Variants in DCAF12 observed in about 807,000 individuals in gnomAD.
DCAF12 encodes DDB1 and CUL4 associated factor 12.
In DCAF12, 28 loss-of-function variants were observed where a neutral mutation model predicts 52.8. The ratio of observed to expected loss-of-function variants is 0.53; its 90% CI spans 0.39 to 0.73. The LOEUF is 0.73. Among genes scored for constraint, DCAF12 ranks in the 30% least tolerant of loss-of-function variants. DCAF12 has a pLI of 0.00. For synonymous variants in DCAF12, 196 were observed against 215.5 expected (o/e 0.91, Z 0.79); for missense variants, 425 against 552.2 (o/e 0.77, Z 2.31).
In DCAF12 at chr9:34,125,243, CT is replaced by C; in HGVS notation, c.112del (p.Arg38AspfsTer5). ...TAAGGATCTCTTCACAGGAGGAAGT[CT>C]TTTCCTTTTGTGAAGCGAGTGATCC... Reference protein sequence around the residue: ...GWDHSLHKRKRLPPVKRSLVY... With the variant: ...GWDHSLHKRKXLPPVKRSLVY... On this transcript the variant is annotated frameshift_variant, in exon 2 of 9. Coordinates refer to ENST00000361264, the MANE Select transcript of DCAF12 (RefSeq NM_015397.4). LOFTEE classifies it high-confidence loss of function. 6.2e-7 allele frequency: 1 copy of C among 1,614,118 alleles called. No individual in the cohort carries two copies. The highest frequency in any genetic ancestry group is 8.5e-7 in the Non-Finnish European group (1 of 1,180,016).
chr9:34,100,251 T>C (rs1246199630), intron 4 of DCAF12, among the ~76,000 whole-genome samples: 1 of 140,396 alleles, frequency 7.1e-6, no homozygotes, highest in Non-Finnish European at 1.5e-5. Flanking sequence ...CAGGCTGGAG[T>C]GCAGTGGTGC....
At position 34,119,346 on chromosome 9, in the gene DCAF12, T is replaced by C. The variant is rs986095980; in HGVS notation, c.333+5677A>G. Among the ~76,000 whole-genome samples, 11 of 152,226 alleles carry C rather than the reference T, an allele frequency of 7.2e-5. 1 individual carries two copies. Among genetic ancestry groups the C allele is most frequent in the African/African-American group, 2.7e-4 (11 of 41,454 alleles). On this transcript the variant is annotated intron_variant, in intron 2 of 8. Coordinates refer to ENST00000361264, the MANE Select transcript of DCAF12 (RefSeq NM_015397.4). Reference sequence around the variant, plus strand: ...GAAAGATCACTCAGAATTTTCTCTCTTTTAAAATCTGTTTTTCATTTGTCA... The same window carrying C: ...GAAAGATCACTCAGAATTTTCTCTCCTTTAAAATCTGTTTTTCATTTGTCA...
At chr9:34,096,875 T>C (rs10971910) in intron 5 of DCAF12, 94 bp from the exon 6 acceptor site, 380,399 of 1,129,470 alleles carry the variant, frequency 0.34, 66,133 homozygotes, top group Admixed American at 0.36. Context: ...GGGTCCTTTA[T>C]TCCTGTCTCG....
intron 3 of DCAF12, 21 bp downstream of exon 3, chr9:34,107,338 A>G: frequency 6.2e-7 from 1 of 1,611,272 alleles, no homozygotes; most frequent in Non-Finnish European, 8.5e-7. Flanking sequence ...CCCTCCAACT[A>G]CAACTACTGG....
chr9:34,093,542 T>C, intron 6 of DCAF12, 94 bp from the exon 7 acceptor site: 1 of 1,359,358 alleles, frequency 7.4e-7, no homozygotes, highest in East Asian at 2.4e-5. Context: ...GCTTCCCTCA[T>C]ATAAAAGCCA....
At chr9:34,111,303 G>C (rs187244035) in intron 2 of DCAF12, among the ~76,000 whole-genome samples, 108 of 152,104 alleles carry the variant, frequency 7.1e-4, no homozygotes, top group Non-Finnish European at 1.4e-3. Flanking sequence ...CTTTTACCTG[G>C]CCAACATGTA....
At chr9:34,124,270 C>T (rs1037061973) in intron 2 of DCAF12, among the ~76,000 whole-genome samples, 4 of 152,166 alleles carry the variant, frequency 2.6e-5, no homozygotes, top group Non-Finnish European at 2.9e-5. Flanking sequence ...AATCATTTCC[C>T]ACCCCTAGGC....
rs1828775896 is a variant in DCAF12 at position 34,098,535 on chromosome 9, C to T, written c.602-18G>A. On this transcript the variant is annotated intron_variant, in intron 4 of 8. Transcript: ENST00000361264. ...ACGTGAGCCTGCAGGGCCAGGAGAACACAGATGTCAGATGTACCCACCCCT... is the reference window on the plus strand; with the variant it reads ...ACGTGAGCCTGCAGGGCCAGGAGAATACAGATGTCAGATGTACCCACCCCT... 3.7e-6 allele frequency: 6 copies of T among 1,606,598 alleles called. No homozygotes were observed. The highest frequency in any genetic ancestry group is 5.1e-6 in the Non-Finnish European group (6 of 1,175,964).
At chr9:34,116,150 G>T (rs1240858383) in intron 2 of DCAF12, among the ~76,000 whole-genome samples, 1 of 151,960 alleles carries the variant, frequency 6.6e-6, no homozygotes, top group Non-Finnish European at 1.5e-5. Context: ...CTGAGGTCAG[G>T]AGTTCAAGAC....
chr9:34,098,862 G>A (rs937808419), intron 4 of DCAF12, among the ~76,000 whole-genome samples: 1 of 151,756 alleles, frequency 6.6e-6, no homozygotes, highest in African/African-American at 2.4e-5. Flanking sequence ...TCCATCTCCT[G>A]GGTTCAAGCG....
intron 2 of DCAF12, among the ~76,000 whole-genome samples, chr9:34,122,405 C>T (rs1307309312): frequency 6.6e-6 from 1 of 152,092 alleles, no homozygotes; most frequent in African/African-American, 2.4e-5. Flanking sequence ...AAGGACAAAA[C>T]CCAAATCTGT....
rs1828741814 is a variant in DCAF12, at chr9:34,096,759, T to C, written c.818A>G (p.Asp273Gly). 1.9e-6 allele frequency: 3 copies of C among 1,614,070 alleles called. No homozygotes were observed. The highest frequency in any genetic ancestry group is 2.5e-6 in the Non-Finnish European group (3 of 1,180,004). Residue 273 changes from aspartate to glycine, a missense_variant, in exon 6 of 9, where the codon GAT becomes GGT. Around this residue, in one of 3 missense-constraint regions of DCAF12, gnomAD observed 328 missense variants for 444.4 expected, o/e 0.74. Coordinates refer to ENST00000361264, the MANE Select transcript of DCAF12 (RefSeq NM_015397.4). ...AGCCTTCCAGAGATGAAAGTAGCCA[T>C]CCAGAGACACTGCTCCCAGTTCCTA... ...KNKELGAVSL[D>G]GYFHLWKAEN...
chr9:34,112,422 C>T (rs747575064), intron 2 of DCAF12, among the ~76,000 whole-genome samples: 29 of 151,532 alleles, frequency 1.9e-4, no homozygotes, highest in Non-Finnish European at 3.8e-4. Flanking sequence ...ATGACGAAAC[C>T]ATCTCTACTA....
intron 7 of DCAF12, among the ~76,000 whole-genome samples, chr9:34,091,488 T>C (rs888369820): frequency 4.6e-5 from 7 of 151,590 alleles, no homozygotes; most frequent in African/African-American, 1.5e-4. Flanking sequence ...ATACAAAAAT[T>C]AGCTGAATGA....
intron 1 of DCAF12, chr9:34,125,552 A>T (rs1829235789): frequency 1.8e-6 from 1 of 551,216 alleles, no homozygotes; most frequent in Non-Finnish European, 3.6e-6. Flanking sequence ...GGTTTACTAG[A>T]CATTTTAGGA....
At chr9:34,112,303 A>G in intron 2 of DCAF12, among the ~76,000 whole-genome samples, 1 of 152,162 alleles carries the variant, frequency 6.6e-6, no homozygotes, top group East Asian at 1.9e-4. Flanking sequence ...CCTTTTAAAC[A>G]AATGATCCCA....
At chr9:34,105,029 G>A (rs762359428) in intron 4 of DCAF12, among the ~76,000 whole-genome samples, 1 of 151,666 alleles carries the variant, frequency 6.6e-6, no homozygotes, top group Non-Finnish European at 1.5e-5. Context: ...CGAGGCAGGC[G>A]AATCACTGAG....
chr9:34,092,644 C>G (rs1312087852), intron 7 of DCAF12, among the ~76,000 whole-genome samples: 3 of 151,580 alleles, frequency 2.0e-5, no homozygotes, highest in Non-Finnish European at 4.4e-5. Context: ...TGAGATCACG[C>G]CACTACACTC....
intron 2 of DCAF12, among the ~76,000 whole-genome samples, chr9:34,118,918 T>C (rs1205746229): frequency 6.6e-6 from 1 of 152,110 alleles, no homozygotes; most frequent in Non-Finnish European, 1.5e-5. Flanking sequence ...TGAGCCAAGA[T>C]TGCGCCAGTG....
Sources: allele counts gnomAD v4.1 joint callset (sites outside exome capture counted in the v4.1 genomes callset), GRCh38; gene constraint gnomAD v4.1.1; regional missense constraint gnomAD v4.1.1; transcripts MANE v1.5; gene names NCBI Gene and HGNC (gene_info 2026-07-23, HGNC 2026-07-21).